The following SYNPR variants were observed in gnomAD, a reference collection of about 807,000 sequenced individuals.
SYNPR encodes synaptoporin.
Under a neutral mutation model 32.9 loss-of-function variants are expected in SYNPR, and 23 were observed. The observed-to-expected ratio is 0.70, with a 90% CI of 0.50 to 0.99. The LOEUF is 0.99. Among genes scored for constraint, SYNPR ranks in the 50% least tolerant of loss-of-function variants. The pLI is 0.00. For missense variants in SYNPR, 318 were observed against 349.3 expected, an observed-to-expected ratio of 0.91 and a Z score of 0.71; for synonymous variants, 146 against 135.9, an observed-to-expected ratio of 1.07 and a Z score of -0.52.
At chr3:63,443,124 G>A (rs988625164) in intron 2 of SYNPR, 1 of 1,133,176 alleles carries the variant, frequency 8.8e-7, no homozygotes, top group Non-Finnish European at 1.1e-6. Context: ...AAGTGTGGGA[G>A]CTCACCATGG....
At chr3:63,416,948 C>T (rs957167549) in intron 2 of SYNPR, among the ~76,000 whole-genome samples, 1 of 152,168 alleles carries the variant, frequency 6.6e-6, no homozygotes, top group Non-Finnish European at 1.5e-5. Flanking sequence ...AATTCCACTC[C>T]TGGCCTCTCC....
At chr3:63,446,003 GATA>G (rs1377291903) in intron 2 of SYNPR, among the ~76,000 whole-genome samples, 11 of 152,172 alleles carry the variant, frequency 7.2e-5, no homozygotes, top group African/African-American at 2.7e-4. Context: ...CAGATACAAA[GATA>G]TGAGTGTGAC....
chr3:63,502,419 T>C (rs1367910045), intron 3 of SYNPR, among the ~76,000 whole-genome samples: 1 of 152,118 alleles, frequency 6.6e-6, no homozygotes, highest in African/African-American at 2.4e-5. Context: ...GTCCACAGTT[T>C]ACCTCAGGGT....
rs1700265172 is a variant in SYNPR, at chr3:63,615,393, G to A, written c.770G>A (p.Gly257Glu). 1 of 1,613,772 alleles carries A rather than the reference G, an allele frequency of 6.2e-7. No individual in the cohort carries two copies. The highest frequency in any genetic ancestry group is 1.1e-5 in the South Asian group (1 of 91,072). ...CAAGACAGCTATGGATCAAGCAGTGGGTACAGTCAGCAGGCGAGTTTGGGG... is the reference window on the plus strand; with the variant it reads ...CAAGACAGCTATGGATCAAGCAGTGAGTACAGTCAGCAGGCGAGTTTGGGG... ...YNQDSYGSSS[G>E]YSQQASLGPT... Residue 257 changes from glycine (G) to glutamate (E), a missense_variant, in exon 6 of 6, where the codon GGG (glycine) becomes GAG (glutamate). By Grantham distance (98) the Gly-to-Glu change is moderately conservative. Coordinates refer to ENST00000478300, the MANE Select transcript of SYNPR (RefSeq NM_001130003.2).
intron 3 of SYNPR, among the ~76,000 whole-genome samples, chr3:63,540,582 G>A (rs1375700902): frequency 2.0e-5 from 3 of 151,662 alleles, no homozygotes; most frequent in East Asian, 3.9e-4. Flanking sequence ...GAGGGAAGGG[G>A]AAATGGTTGT....
intron 2 of SYNPR, among the ~76,000 whole-genome samples, chr3:63,359,108 C>T (rs1196838454): frequency 6.6e-6 from 1 of 152,084 alleles, no homozygotes. Context: ...GTGTATTAAA[C>T]TTCTACTGAG....
intron 1 of SYNPR, among the ~76,000 whole-genome samples, chr3:63,241,020 G>C (rs1459845372): frequency 6.6e-6 from 1 of 151,914 alleles, no homozygotes; most frequent in Non-Finnish European, 1.5e-5. Flanking sequence ...TATCTTATAG[G>C]TAATTCAGTC....
chr3:63,204,903 G>T, the SYNPR span, among the ~76,000 whole-genome samples: 1 of 152,054 alleles, frequency 6.6e-6, no homozygotes, highest in Non-Finnish European at 1.5e-5. Context: ...GGCCAGGCTG[G>T]TTTCAAACTC....
At chr3:63,460,283 G>T (rs182303973) in intron 2 of SYNPR, among the ~76,000 whole-genome samples, 75 of 152,118 alleles carry the variant, frequency 4.9e-4, no homozygotes, top group Non-Finnish European at 8.7e-4. Flanking sequence ...ATGCAGCCCA[G>T]TTCCTCAAAT....
chr3:63,595,958 T>C (rs1180444628), intron 4 of SYNPR, among the ~76,000 whole-genome samples: 4 of 87,090 alleles, frequency 4.6e-5, no homozygotes, highest in Non-Finnish European at 1.0e-4. Flanking sequence ...GTTTTATATA[T>C]ATAGTTTTAT....
intron 2 of SYNPR, among the ~76,000 whole-genome samples, chr3:63,254,708 T>C (rs528156560): frequency 1.4e-3 from 208 of 152,330 alleles, no homozygotes; most frequent in Non-Finnish European, 2.7e-3. Flanking sequence ...ATGGGCCGAA[T>C]TGTGTTCCTC....
the SYNPR span, among the ~76,000 whole-genome samples, chr3:63,205,592 C>T: frequency 6.6e-6 from 1 of 152,258 alleles, no homozygotes; most frequent in East Asian, 1.9e-4. Context: ...CACTGCTCTG[C>T]TGCTGAGTGA....
chr3:63,440,081 C>T (rs1057383412), intron 2 of SYNPR, among the ~76,000 whole-genome samples: 5 of 152,020 alleles, frequency 3.3e-5, no homozygotes, highest in African/African-American at 7.2e-5. Flanking sequence ...AGTGCAAAAA[C>T]TAAAAAGAGG....
chr3:63,368,365 C>T (rs762763643), intron 2 of SYNPR, among the ~76,000 whole-genome samples: 2 of 152,002 alleles, frequency 1.3e-5, no homozygotes, highest in African/African-American at 2.4e-5. Context: ...AGAAAGGGCG[C>T]TAGTTTGAAT....
intron 3 of SYNPR, among the ~76,000 whole-genome samples, chr3:63,548,104 C>G (rs973808121): frequency 6.6e-6 from 1 of 152,162 alleles, no homozygotes; most frequent in African/African-American, 2.4e-5. Context: ...CACTCTCATT[C>G]CCCATAGTTC....
chr3:63,438,496 C>T (rs1054916395), intron 2 of SYNPR, among the ~76,000 whole-genome samples: 2 of 152,164 alleles, frequency 1.3e-5, no homozygotes, highest in Non-Finnish European at 2.9e-5. Flanking sequence ...AGAATTCTTT[C>T]AGACAGATTT....
chr3:63,433,819 G>A (rs1181016473), intron 2 of SYNPR, among the ~76,000 whole-genome samples: 1 of 152,126 alleles, frequency 6.6e-6, no homozygotes, highest in East Asian at 1.9e-4. Flanking sequence ...TCATATCATA[G>A]GGATGCAGAA....
At chr3:63,275,965 G>A (rs1223728830), upstream of SYNPR, among the ~76,000 whole-genome samples, 1 of 152,070 alleles carries the variant, frequency 6.6e-6, no homozygotes, top group Non-Finnish European at 1.5e-5. Context: ...AGTCGGCTTA[G>A]GTTATGTTGT....
intron 3 of SYNPR, among the ~76,000 whole-genome samples, chr3:63,511,592 C>T (rs988442302): frequency 2.0e-4 from 31 of 152,096 alleles, no homozygotes; most frequent in African/African-American, 4.8e-4. Context: ...GGACCTGGAC[C>T]GGAAGATATC....
Sources: allele counts gnomAD v4.1 joint callset (sites outside exome capture counted in the v4.1 genomes callset), GRCh38; gene constraint gnomAD v4.1.1; transcripts MANE v1.5; gene names NCBI Gene and HGNC (gene_info 2026-07-23, HGNC 2026-07-21).